The following SLC4A10 variants were observed in gnomAD, a reference collection of about 807,000 sequenced individuals.
SLC4A10 encodes sodium-driven chloride bicarbonate exchanger.
SLC4A10 carries 42 observed loss-of-function variants against 137.7 expected under a neutral mutation model. The ratio of observed to expected loss-of-function variants is 0.30; its 90% CI spans 0.24 to 0.39. The LOEUF (loss-of-function observed/expected upper bound fraction) is 0.39. Ranked by LOEUF, SLC4A10 falls within the 10% of genes least tolerant of loss-of-function variation. The pLI, the probability that SLC4A10 is intolerant of heterozygous loss-of-function variation, is 1.00. For synonymous variants in SLC4A10, 474 were observed against 464.1 expected (o/e 1.02, Z -0.27); for missense variants, 925 against 1,355.0 (o/e 0.68, Z 4.98).
At chr2:161,712,345 A>G (rs1446740023) in intron 1 of SLC4A10, among the ~76,000 whole-genome samples, 1 of 151,940 alleles carries the variant, frequency 6.6e-6, no homozygotes, top group African/African-American at 2.4e-5. Flanking sequence ...TTTAACAGCA[A>G]CTTAAGGTCT....
chr2:161,629,039 G>C (rs2033021414), intron 1 of SLC4A10, among the ~76,000 whole-genome samples: 1 of 151,786 alleles, frequency 6.6e-6, no homozygotes, highest in Non-Finnish European at 1.5e-5. Flanking sequence ...GTCTAAACTG[G>C]GCATGAATAG....
chr2:161,893,984 G>A (rs1249235787), intron 10 of SLC4A10, among the ~76,000 whole-genome samples: 1 of 151,896 alleles, frequency 6.6e-6, no homozygotes. Context: ...TGAAAGTTGA[G>A]GAGCCTACTC....
intron 1 of SLC4A10, among the ~76,000 whole-genome samples, chr2:161,628,444 C>T (rs2032883206): frequency 6.6e-6 from 1 of 151,928 alleles, no homozygotes; most frequent in Non-Finnish European, 1.5e-5. Context: ...AATGCTAATT[C>T]CATATTTCCA....
chr2:161,670,874 A>G (rs1391857062), intron 1 of SLC4A10, among the ~76,000 whole-genome samples: 3 of 152,082 alleles, frequency 2.0e-5, no homozygotes, highest in African/African-American at 7.2e-5. Context: ...AGACCACACT[A>G]AGTATAAGAT....
chr2:161,905,976 G>A (rs1289988170), intron 15 of SLC4A10, 89 bp downstream of exon 15: 1 of 1,462,076 alleles, frequency 6.8e-7, no homozygotes, highest in Non-Finnish European at 9.1e-7. Context: ...TTACTCAGCA[G>A]AGAATGTGCC....
At chr2:161,937,802 G>T (rs1186793740) in intron 15 of SLC4A10, among the ~76,000 whole-genome samples, 1 of 152,096 alleles carries the variant, frequency 6.6e-6, no homozygotes, top group Non-Finnish European at 1.5e-5. Context: ...AAAACTTACT[G>T]CAATCTAGGT....
At chr2:161,699,591 G>A (rs2042926167) in intron 1 of SLC4A10, among the ~76,000 whole-genome samples, 1 of 152,186 alleles carries the variant, frequency 6.6e-6, no homozygotes, top group Non-Finnish European at 1.5e-5. Context: ...CATATGATTT[G>A]TCTTGAGGAT....
intron 1 of SLC4A10, chr2:161,710,628 A>G (rs2044177491): frequency 2.2e-6 from 1 of 446,796 alleles, no homozygotes. Flanking sequence ...GATAATCTTG[A>G]TCTTTGGAAT....
At chr2:161,938,737 T>C (rs1381368087) in intron 15 of SLC4A10, among the ~76,000 whole-genome samples, 1 of 149,480 alleles carries the variant, frequency 6.7e-6, no homozygotes, top group Non-Finnish European at 1.5e-5. Flanking sequence ...ACAAAGCAAA[T>C]ATAAAAGAGA....
chr2:161,631,088 G>A (rs773976622), intron 1 of SLC4A10, among the ~76,000 whole-genome samples: 2 of 151,666 alleles, frequency 1.3e-5, no homozygotes, highest in Admixed American at 6.6e-5. Context: ...GTCTAGAATA[G>A]GCAAGTCCTT....
chr2:161,671,782 A>T (rs540551425), intron 1 of SLC4A10, among the ~76,000 whole-genome samples: 1 of 152,356 alleles, frequency 6.6e-6, no homozygotes, highest in South Asian at 2.1e-4. Flanking sequence ...TAGCTTTTAA[A>T]TTATAGTTAT....
At chr2:161,798,474 A>G (rs1483990562) in intron 2 of SLC4A10, among the ~76,000 whole-genome samples, 1 of 151,904 alleles carries the variant, frequency 6.6e-6, no homozygotes, top group Non-Finnish European at 1.5e-5. Context: ...TTTTATAAAC[A>G]TTCAGTATAC....
chr2:161,767,740 A>T (rs1016595208), intron 1 of SLC4A10, among the ~76,000 whole-genome samples: 1 of 151,984 alleles, frequency 6.6e-6, no homozygotes, highest in Non-Finnish European at 1.5e-5. Flanking sequence ...CTTGAAAAGG[A>T]TTTGGAATTT....
chr2:161,904,087 G>T lies in SLC4A10; in HGVS notation c.1526G>T (p.Cys509Phe). The T allele has an allele frequency of 6.2e-7, 1 of 1,605,134 alleles. No individual in the cohort carries two copies. Reference sequence around the variant, plus strand: ...TTCAGAGATGCTTTCAGCCTGCAGTGCTTAGCATCTTTTCTATTTCTCTAC... The same window carrying T: ...TTCAGAGATGCTTTCAGCCTGCAGTTCTTAGCATCTTTTCTATTTCTCTAC... Reference protein sequence around the residue: ...SDFRDAFSLQCLASFLFLYCA... With the variant: ...SDFRDAFSLQFLASFLFLYCA... Residue 509 changes from cysteine (C) to phenylalanine (F), a missense_variant, in exon 13 of 27, where the codon TGC becomes TTC. Transcript: ENST00000446997.
intron 23 of SLC4A10, among the ~76,000 whole-genome samples, chr2:161,967,261 G>T (rs1480015612): frequency 6.6e-6 from 1 of 152,046 alleles, no homozygotes; most frequent in Non-Finnish European, 1.5e-5. Context: ...GTGAATGTGG[G>T]TGTGTGTGTG....
At chr2:161,910,025 A>G (rs1314443857) in intron 15 of SLC4A10, among the ~76,000 whole-genome samples, 1 of 152,168 alleles carries the variant, frequency 6.6e-6, no homozygotes, top group African/African-American at 2.4e-5. Flanking sequence ...AAAATGTTAT[A>G]GCTAGAACAT....
At chr2:161,704,266 T>C (rs963336617) in intron 1 of SLC4A10, among the ~76,000 whole-genome samples, 2 of 151,694 alleles carry the variant, frequency 1.3e-5, no homozygotes, top group Non-Finnish European at 3.0e-5. Context: ...TGTACTAGCT[T>C]TAGCCCAGTA....
chr2:161,863,083 C>T (rs764075747), intron 6 of SLC4A10, 21 bp downstream of exon 6: 2 of 1,607,490 alleles, frequency 1.2e-6, no homozygotes, highest in Non-Finnish European at 1.7e-6. Context: ...ATTTATTGTG[C>T]TCTTTATGTC....
intron 1 of SLC4A10, among the ~76,000 whole-genome samples, chr2:161,643,575 A>T (rs2035603357): frequency 6.6e-6 from 1 of 152,174 alleles, no homozygotes; most frequent in Non-Finnish European, 1.5e-5. Context: ...TATCTTACAT[A>T]TGACAAAAGA....
Sources: allele counts gnomAD v4.1 joint callset (sites outside exome capture counted in the v4.1 genomes callset), GRCh38; gene constraint gnomAD v4.1.1; transcripts MANE v1.5; gene names NCBI Gene and HGNC (gene_info 2026-07-23, HGNC 2026-07-21).